MROH7: variants seen among roughly 807,000 people sequenced by gnomAD.
MROH7 encodes the protein maestro heat-like repeat-containing protein family member 7.
MROH7 carries 113 observed loss-of-function variants against 129.2 expected under a neutral mutation model. That is an observed-to-expected ratio of 0.87 (90% confidence interval 0.75 to 1.02). The LOEUF is 1.02. Among genes scored for constraint, MROH7 ranks in the 50% least tolerant of loss-of-function variants. The pLI is 0.00. For synonymous variants in MROH7, 655 were observed against 667.9 expected, an observed-to-expected ratio of 0.98 and a Z score of 0.30; for missense variants, 1,601 against 1,671.3, an observed-to-expected ratio of 0.96 and a Z score of 0.73.
At chr1:54,659,604 C>G (rs1179091306) in intron 3 of MROH7, among the ~76,000 whole-genome samples, 1 of 152,230 alleles carries the variant, frequency 6.6e-6, no homozygotes, top group Non-Finnish European at 1.5e-5. Flanking sequence ...CAGGCGCTAG[C>G]CACCATGCCT....
chr1:54,680,002 G>T lies in MROH7; in HGVS notation c.2338G>T (p.Glu780Ter). The T allele has an allele frequency of 1.9e-6, 3 of 1,614,030 alleles. No homozygotes were observed. Among genetic ancestry groups the T allele is most frequent in the Non-Finnish European group, 2.5e-6 (3 of 1,179,978 alleles). ...VSLLASSFMT[E>*]VVVALLMCPL... ...CCTCCTGGCTAGCTCCTTCATGACC[G>T]AGGTTGTGGTGGCCCTGCTCATGTG... The change falls in exon 13 of 24, where the codon GAG becomes TAG. Residue 780 changes from glutamate (E) to a stop codon, truncating the protein, a stop_gained. Transcript: ENST00000421030. LOFTEE classifies it high-confidence loss of function.
intron 19 of MROH7, among the ~76,000 whole-genome samples, 177 bp from the exon 20 acceptor site, chr1:54,701,913 A>T (rs1340507744): frequency 6.6e-6 from 1 of 151,344 alleles, no homozygotes; most frequent in East Asian, 1.9e-4. Context: ...AGAGGAGGAG[A>T]GGGAGGCATT....
chr1:54,701,957 G>C, intron 19 of MROH7, 133 bp from the exon 20 acceptor site: 1 of 715,440 alleles, frequency 1.4e-6, no homozygotes. Context: ...TTTTAGGTTA[G>C]TGGGGGTCTG....
rs1645466597 is a variant in MROH7, at chr1:54,703,135, T to C, written c.3564+390T>C. On this transcript the variant is annotated intron_variant, in intron 21 of 23. Coordinates refer to ENST00000421030, the MANE Select transcript of MROH7 (RefSeq NM_001039464.4). The surrounding 1 kb of genome is among the most constrained non-coding windows in gnomAD (Gnocchi z 4.4). The stretch of plus-strand genomic sequence containing the variant: ...TCCCGAGTATCTTGGAATCTGCTTT[T>C]CCCTCCCCACCCTGCTGCCATCGTT... 6.6e-6 allele frequency among the ~76,000 whole-genome samples: 1 copy of C among 152,116 alleles called. No individual in the cohort carries two copies. Among genetic ancestry groups the C allele is most frequent in the South Asian group, 2.1e-4 (1 of 4,826 alleles).
At chr1:54,683,794 G>A (rs184131061) in intron 14 of MROH7, among the ~76,000 whole-genome samples, 2 of 152,218 alleles carry the variant, frequency 1.3e-5, no homozygotes, top group Admixed American at 6.5e-5. Flanking sequence ...GCTCTCCACC[G>A]AGCTAACTTC....
intron 6 of MROH7, 94 bp downstream of exon 6, chr1:54,670,670 C>CCCCCCCCCCCCT: frequency 8.1e-7 from 1 of 1,240,900 alleles, no homozygotes; most frequent in East Asian, 2.6e-5. Context: ...TCCCCCAACC[C>CCCCCCCCCCCCT]GCCCCCACCC....
rs771508636 is a variant in MROH7, at chr1:54,673,746, C to T, written c.1741C>T (p.Arg581Trp). 1.8e-5 allele frequency: 29 copies of T among 1,613,992 alleles called. 1 individual carries two copies. Among genetic ancestry groups the T allele is most frequent in the South Asian group, 4.4e-5 (4 of 91,082 alleles). ...CTCTGGGAAGGCCCATGAGCGAGCA[C>T]GGGCTGTGAACACCAATGTCTCTGT... ...MNSGKAHERA[R>W]AVNTNVSVLN... The change falls in exon 9 of 24, where the codon CGG (arginine) becomes TGG (tryptophan). Residue 581 changes from arginine (R) to tryptophan (W), a missense_variant. Transcript: ENST00000421030.
Position 54,653,110 on chromosome 1 carries a change from A to C in MROH7, c.184A>C (p.Asn62His), listed in dbSNP as rs1644583423. ...TGGCTTGGCTCTCGTTCCAGATCTT[A>C]ATGATTCTTTGAGTCCAGTCTCAGG... is the stretch of plus-strand genomic sequence containing the variant. ...SPGLALVPDL[N>H]DSLSPVSGEA... Residue 62 changes from asparagine to histidine, a missense_variant, in exon 3 of 24, where the codon AAT (asparagine) becomes CAT (histidine). Coordinates refer to ENST00000421030, the MANE Select transcript of MROH7 (RefSeq NM_001039464.4). 2 of 1,613,992 alleles carry C rather than the reference A, an allele frequency of 1.2e-6. No homozygotes were observed. Among genetic ancestry groups the C allele is most frequent in the East Asian group, 4.5e-5 (2 of 44,876 alleles).
In MROH7 at chr1:54,705,498, A is replaced by G. The variant is rs76680394; in HGVS notation, c.3565-937A>G. ...AGGATGAGCAAGATCTGCTAGAAAC[A>G]TCAAGGGTGGTGGGATGGAGCTCTG... On this transcript the variant is annotated intron_variant, in intron 21 of 23. Transcript: ENST00000421030. Among the ~76,000 whole-genome samples, 1,490 of 152,308 alleles carry G rather than the reference A, an allele frequency of 9.8e-3. 20 individuals carry two copies. Among genetic ancestry groups the G allele is most frequent in the African/African-American group, 0.034 (1,406 of 41,560 alleles).
chr1:54,674,406 A>G (rs1227890559), intron 10 of MROH7, among the ~76,000 whole-genome samples: 2 of 152,158 alleles, frequency 1.3e-5, no homozygotes, highest in Non-Finnish European at 2.9e-5. Context: ...TTAGTTTGTG[A>G]CTGTCATTTT....
intron 16 of MROH7, 105 bp from the exon 17 acceptor site, chr1:54,695,271 G>A (rs1255236924): frequency 1.5e-6 from 1 of 649,440 alleles, no homozygotes; most frequent in Non-Finnish European, 2.8e-6. Context: ...AGGAATCCAG[G>A]TGATCCTGGC....
intron 15 of MROH7, among the ~76,000 whole-genome samples, chr1:54,689,134 T>G (rs1422778661): frequency 6.6e-6 from 1 of 152,136 alleles, no homozygotes; most frequent in Admixed American, 6.5e-5. Flanking sequence ...CAGATATAGT[T>G]AAGGATCTCA....
intron 22 of MROH7, 140 bp downstream of exon 22, chr1:54,706,677 G>A (rs1221655361): frequency 1.2e-5 from 8 of 641,054 alleles, no homozygotes; most frequent in South Asian, 9.2e-5. Flanking sequence ...AGACAGCCAT[G>A]GTGAAAGTTA....
rs367593100 is a variant in MROH7, at chr1:54,664,078, A to C, written c.1232-1089A>C. On this transcript the variant is annotated intron_variant, in intron 3 of 23. Transcript: ENST00000421030. ...CCCAGTAAGTTTTCATCCCTGGACCAATCGCTGTGGCTGGAGGCATGGGAC... is the reference window on the plus strand; with the variant it reads ...CCCAGTAAGTTTTCATCCCTGGACCCATCGCTGTGGCTGGAGGCATGGGAC... 8.9e-4 allele frequency: 187 copies of C among 211,198 alleles called. 1 individual carries two copies. The highest frequency in any genetic ancestry group is 4.3e-3 in the African/African-American group (185 of 42,904). 13.1% of individuals were successfully genotyped at this position (211,198 alleles called of 1,614,324 possible).
At chr1:54,683,836 A>G (rs1645107656) in intron 14 of MROH7, among the ~76,000 whole-genome samples, 2 of 152,222 alleles carry the variant, frequency 1.3e-5, no homozygotes, top group South Asian at 4.2e-4. Flanking sequence ...CTCCAGCATC[A>G]CTTCCTTAGG....
chr1:54,687,881 T>TTG (rs1429523772), intron 15 of MROH7, among the ~76,000 whole-genome samples: 1 of 151,412 alleles, frequency 6.6e-6, no homozygotes, highest in Non-Finnish European at 1.5e-5. Flanking sequence ...TCTTTTTTTT[T>TTG]TTTTTGAGAC....
At chr1:54,691,114 A>C (rs950010420) in intron 15 of MROH7, among the ~76,000 whole-genome samples, 1 of 152,096 alleles carries the variant, frequency 6.6e-6, no homozygotes, top group African/African-American at 2.4e-5. Flanking sequence ...TGATGGGAGA[A>C]TTGGACAACA....
chr1:54,708,523 CAGCAAGGGAGGGA>C lies in MROH7; in HGVS notation c.3668-490_3668-478del, dbSNP rs1175443243. 5.3e-5 allele frequency among the ~76,000 whole-genome samples: 8 copies of C among 152,294 alleles called. No homozygotes were observed. In the South Asian group the frequency reaches 6.2e-4, roughly 12 times the overall value. On this transcript the variant is annotated intron_variant, in intron 22 of 23. Coordinates refer to ENST00000421030, the MANE Select transcript of MROH7 (RefSeq NM_001039464.4). ...TGCAGGAGCCAGGCTCACAGGCTGG[CAGCAAGGGAGGGA>C]TGAGCAATGCATCAGAGGAGTCATC...
intron 17 of MROH7, chr1:54,699,159 T>TTTCTTTCTTTCTTTCTTTCTTTCTTTTC (rs71048705): frequency 1.5e-5 from 1 of 65,918 alleles, no homozygotes; most frequent in Non-Finnish European, 3.1e-5. Flanking sequence ...TCTTTCTTTC[T>TTTCTTTCTTTCTTTCTTTCTTTCTTTTC]TTTCTTTCTT....
Sources: allele counts gnomAD v4.1 joint callset (sites outside exome capture counted in the v4.1 genomes callset), GRCh38; gene constraint gnomAD v4.1.1; non-coding constraint Gnocchi (gnomAD v3.1); transcripts MANE v1.5; gene names NCBI Gene and HGNC (gene_info 2026-07-23, HGNC 2026-07-21).